The following CCDC73 variants were observed in gnomAD, a reference collection of about 807,000 sequenced individuals.
CCDC73 encodes coiled-coil domain containing 73.
Under a neutral mutation model 116.5 loss-of-function variants are expected in CCDC73, and 95 were observed. The ratio of observed to expected loss-of-function variants is 0.82; its 90% CI spans 0.69 to 0.97. CCDC73 has a LOEUF of 0.97. CCDC73 is among the 50% of genes least tolerant of loss of function. The probability of loss-of-function intolerance (pLI) is 0.00; values close to 1 mark genes in which losing one functional copy is unlikely to be tolerated. For synonymous variants in CCDC73, 398 were observed against 401.3 expected, an observed-to-expected ratio of 0.99 and a Z score of 0.10; for missense variants, 1,066 against 1,206.8, an observed-to-expected ratio of 0.88 and a Z score of 1.73.
At chr11:32,682,132 T>C (rs1213891415) in intron 7 of CCDC73, 1 of 151,810 alleles carries the variant, frequency 6.6e-6, no homozygotes, top group Non-Finnish European at 1.5e-5. Context: ...TTAAAGATTG[T>C]AAGTATCTGT....
intron 14 of CCDC73, among the ~76,000 whole-genome samples, chr11:32,630,173 A>G (rs993195574): frequency 1.3e-5 from 2 of 152,342 alleles, no homozygotes; most frequent in Admixed American, 6.5e-5. Context: ...AAGGACAGGA[A>G]GGAGAAAATG....
In CCDC73 at chr11:32,602,992, G is replaced by GGAGTT; in HGVS notation, c.3054_3058dup (p.Pro1020GlnfsTer31). 1 of 1,608,454 alleles carries GGAGTT rather than the reference G, an allele frequency of 6.2e-7. No individual in the cohort carries two copies. The highest frequency in any genetic ancestry group is 8.5e-7 in the Non-Finnish European group (1 of 1,178,528). The stretch of plus-strand genomic sequence containing the variant: ...GATTGCCTGCAAATGGCTTTGTAGT[G>GGAGTT]GAGTTGATATCAGAGGCTTTGTTTT... On this transcript the variant is annotated frameshift_variant, in exon 18 of 18. Transcript: ENST00000335185. LOFTEE classifies it low-confidence loss of function (END_TRUNC).
At position 32,602,846 on chromosome 11, in the gene CCDC73, C is replaced by G; in HGVS notation, c.3205G>C (p.Glu1069Gln). The G allele has an allele frequency of 6.2e-7, 1 of 1,608,364 alleles. No homozygotes were observed. The highest frequency in any genetic ancestry group is 8.5e-7 in the Non-Finnish European group (1 of 1,177,722). Residue 1069 changes from glutamate to glutamine, a missense_variant, in exon 18 of 18, where the codon GAA becomes CAA. Glu to Gln is a conservative substitution (Grantham distance 29, BLOSUM62 2). Coordinates refer to ENST00000335185, the MANE Select transcript of CCDC73 (RefSeq NM_001008391.4). ...CTGTTGTTTTTTTCCAACGTCTCTT[C>G]TGCTTTTCTTTTCTTTGGCTGGTTG... The part of the protein sequence containing the change: ...NDNQPKKRKA[E>Q]ETLEKNNRLK
At chr11:32,805,667 G>A in the CCDC73 span, among the ~76,000 whole-genome samples, 8 of 152,118 alleles carry the variant, frequency 5.3e-5, no homozygotes, top group African/African-American at 1.4e-4. Flanking sequence ...GGCCAAATGC[G>A]GCTTGAAACA....
intron 5 of CCDC73, among the ~76,000 whole-genome samples, chr11:32,699,888 A>G (rs1233921458): frequency 6.7e-6 from 1 of 149,028 alleles, no homozygotes; most frequent in Non-Finnish European, 1.5e-5. Flanking sequence ...AAATATATAT[A>G]TATATATATA....
chr11:32,730,847 C>T (rs933558094), intron 2 of CCDC73, among the ~76,000 whole-genome samples: 6 of 152,200 alleles, frequency 3.9e-5, no homozygotes, highest in Non-Finnish European at 7.3e-5. Context: ...CTAGCATGAG[C>T]GATGCAGAAG....
intron 14 of CCDC73, among the ~76,000 whole-genome samples, chr11:32,616,529 C>T (rs1370670654): frequency 6.6e-6 from 1 of 152,070 alleles, no homozygotes; most frequent in Non-Finnish European, 1.5e-5. Context: ...AGTGCAGTGG[C>T]TATTCACAGG....
At chr11:32,660,298 A>G (rs933241071) in intron 9 of CCDC73, among the ~76,000 whole-genome samples, 1 of 151,226 alleles carries the variant, frequency 6.6e-6, no homozygotes, top group Non-Finnish European at 1.5e-5. Context: ...CGCCCTGAGA[A>G]GTTTTAGCAG....
At chr11:32,702,405 G>A (rs1486581) in intron 4 of CCDC73, among the ~76,000 whole-genome samples, 1 of 151,918 alleles carries the variant, frequency 6.6e-6, no homozygotes. Flanking sequence ...AGTTACTGAT[G>A]ATTGATATTT....
intron 2 of CCDC73, among the ~76,000 whole-genome samples, chr11:32,728,736 G>A (rs949238215): frequency 2.6e-5 from 4 of 151,990 alleles, no homozygotes; most frequent in Admixed American, 2.0e-4. Flanking sequence ...CTGGAGTCTC[G>A]CTCTGTCGCC....
chr11:32,750,070 C>G (rs1850274000), intron 2 of CCDC73, among the ~76,000 whole-genome samples: 1 of 152,106 alleles, frequency 6.6e-6, no homozygotes, highest in Non-Finnish European at 1.5e-5. Flanking sequence ...CGGGGTTTCA[C>G]TGTGTTGGCC....
intron 17 of CCDC73, chr11:32,605,095 A>G (rs1590536570): frequency 6.9e-6 from 1 of 144,288 alleles, no homozygotes; most frequent in Admixed American, 7.1e-5. Flanking sequence ...CTCATGATCC[A>G]CCTGCCTCGG....
At chr11:32,762,736 A>T (rs1444089441) in intron 1 of CCDC73, among the ~76,000 whole-genome samples, 1 of 152,144 alleles carries the variant, frequency 6.6e-6, no homozygotes, top group Non-Finnish European at 1.5e-5. Flanking sequence ...TACTGGGTTC[A>T]TCTCACTGGG....
At chr11:32,772,353 C>G (rs995066452) in intron 1 of CCDC73, among the ~76,000 whole-genome samples, 6 of 151,778 alleles carry the variant, frequency 4.0e-5, no homozygotes, top group Non-Finnish European at 7.4e-5. Context: ...AAAACAAAAG[C>G]AGGGGGACTG....
At chr11:32,728,108 C>T (rs1449855373) in intron 2 of CCDC73, among the ~76,000 whole-genome samples, 2 of 151,838 alleles carry the variant, frequency 1.3e-5, no homozygotes, top group Non-Finnish European at 2.9e-5. Context: ...AAAATTTAGC[C>T]AGGCATGATG....
intron 6 of CCDC73, among the ~76,000 whole-genome samples, chr11:32,688,206 G>C (rs1164626562): frequency 6.6e-6 from 1 of 152,048 alleles, no homozygotes; most frequent in South Asian, 2.1e-4. Flanking sequence ...AGTGAACATC[G>C]CCAATAATAA....
At chr11:32,665,471 G>A (rs867802412) in intron 9 of CCDC73, among the ~76,000 whole-genome samples, 41 of 152,052 alleles carry the variant, frequency 2.7e-4, no homozygotes, top group African/African-American at 6.8e-4. Flanking sequence ...TCAGAGACTC[G>A]GATTGCAACC....
rs566891800 is a variant in CCDC73, at chr11:32,646,650, TTTTC to T, written c.940-4572_940-4569del. On this transcript the variant is annotated intron_variant, in intron 12 of 17. Transcript: ENST00000335185. ...TACTTTCTTGTACAATTTTAGAATCTTTTCTTTATGTGTTGTACAAAATTTCATA... is the reference window on the plus strand; with the variant it reads ...TACTTTCTTGTACAATTTTAGAATCTTTTATGTGTTGTACAAAATTTCATA... 2.7e-4 allele frequency among the ~76,000 whole-genome samples: 41 copies of T among 152,326 alleles called. 1 individual carries two copies. In the East Asian group the frequency reaches 7.7e-3, roughly 29 times the overall value.
At chr11:32,704,805 A>T (rs1590604228) in intron 3 of CCDC73, among the ~76,000 whole-genome samples, 1 of 151,938 alleles carries the variant, frequency 6.6e-6, no homozygotes. Context: ...GGCAATAAAA[A>T]CCCTGGACTC....
Sources: gnomAD v4.1 joint callset for allele counts (sites outside exome capture counted in the v4.1 genomes callset) on GRCh38, gnomAD v4.1.1 for gene constraint, MANE v1.5 for transcripts, NCBI Gene and HGNC (gene_info 2026-07-23, HGNC 2026-07-21) for gene names.